Variants in DAPK2 observed in about 807,000 individuals in gnomAD.
DAPK2 encodes the protein death-associated protein kinase 2.
In DAPK2, 35 loss-of-function variants were observed where a neutral mutation model predicts 44.1. That is an observed-to-expected ratio of 0.79 (90% CI 0.61 to 1.05). DAPK2 has a LOEUF of 1.05. Among genes scored for constraint, DAPK2 ranks in the 50% least tolerant of loss-of-function variants. The pLI is 0.00. For missense variants in DAPK2, 453 were observed against 483.2 expected (o/e 0.94, Z 0.59); for synonymous variants, 174 against 182.6 (o/e 0.95, Z 0.38).
At chr15:63,929,499 T>C in intron 6 of DAPK2, 52 bp downstream of exon 7, 1 of 1,611,902 alleles carries the variant, frequency 6.2e-7, no homozygotes, top group Non-Finnish European at 8.5e-7. Flanking sequence ...TCATTCCTTC[T>C]GGTTCCCCCA....
exon 2 of DAPK2, chr15:63,983,691 C>T (rs376974010): frequency 3.4e-5 from 55 of 1,613,754 alleles, no homozygotes; most frequent in Non-Finnish European, 4.6e-5. Flanking sequence ...TCTTGATGAA[C>T]TTGGCTGCAT....
At chr15:63,946,098 C>G (rs1167876039) in intron 3 of DAPK2, among the ~76,000 whole-genome samples, 4 of 152,398 alleles carry the variant, frequency 2.6e-5, no homozygotes, top group African/African-American at 9.6e-5. Context: ...ACTGCCCAGC[C>G]CAGGGCCTGC....
rs2079639954 is a variant in DAPK2 at position 64,020,015 on chromosome 15, T to C, written c.92+20155A>G. 6.6e-6 allele frequency among the ~76,000 whole-genome samples: 1 copy of C among 152,178 alleles called. No homozygotes were observed. Among genetic ancestry groups the C allele is most frequent in the Non-Finnish European group, 1.5e-5 (1 of 68,030 alleles). Reference sequence around the variant, plus strand: ...ACAGACTTGGTGCCAAACCACTGTGTCTAATCTCAGCAGAAGCAGTCTCAG... The same window carrying C: ...ACAGACTTGGTGCCAAACCACTGTGCCTAATCTCAGCAGAAGCAGTCTCAG... On this transcript the variant is annotated intron_variant, in intron 1 of 10. Coordinates refer to ENST00000261891, the Ensembl canonical transcript of DAPK2. This position sits in a 1 kb window ranked among gnomAD's most constrained non-coding sequence, Gnocchi z 4.5.
chr15:63,960,540 G>T (rs1049431318), intron 3 of DAPK2, among the ~76,000 whole-genome samples: 1 of 152,152 alleles, frequency 6.6e-6, no homozygotes, highest in Non-Finnish European at 1.5e-5. Flanking sequence ...CAGAGATTCT[G>T]GTATGTTGTG....
At chr15:63,981,516 A>G (rs2078513305) in intron 2 of DAPK2, among the ~76,000 whole-genome samples, 1 of 152,222 alleles carries the variant, frequency 6.6e-6, no homozygotes, top group Non-Finnish European at 1.5e-5. Flanking sequence ...TTAATTGGGG[A>G]AAAAAGTAGA....
chr15:64,010,529 C>T (rs2079363054), intron 1 of DAPK2, among the ~76,000 whole-genome samples: 2 of 152,172 alleles, frequency 1.3e-5, no homozygotes, highest in Admixed American at 6.5e-5. Flanking sequence ...CTACATTTGT[C>T]TCTCAGCCTC....
chr15:63,976,054 T>C (rs1205508958), intron 2 of DAPK2, among the ~76,000 whole-genome samples: 2 of 152,190 alleles, frequency 1.3e-5, no homozygotes, highest in African/African-American at 2.4e-5. Context: ...CTTAGCATCA[T>C]GAAAAGTAGA....
At chr15:63,972,382 G>T (rs2078236670) in intron 2 of DAPK2, among the ~76,000 whole-genome samples, 1 of 152,222 alleles carries the variant, frequency 6.6e-6, no homozygotes, top group Non-Finnish European at 1.5e-5. Context: ...TGAATGAATG[G>T]ACTGTAAGGG....
chr15:63,946,944 T>C (rs2077464226), intron 3 of DAPK2, among the ~76,000 whole-genome samples: 2 of 152,104 alleles, frequency 1.3e-5, no homozygotes, highest in Non-Finnish European at 2.9e-5. Flanking sequence ...GTTTTGAGGG[T>C]GCTCAGCTCC....
intron 3 of DAPK2, among the ~76,000 whole-genome samples, chr15:63,941,862 C>T (rs906786765): frequency 2.0e-5 from 3 of 152,170 alleles, no homozygotes; most frequent in Non-Finnish European, 4.4e-5. Context: ...CTGACCAGCC[C>T]ACTGGGGGCT....
chr15:63,927,206 T>A (rs2140345252), intron 6 of DAPK2, among the ~76,000 whole-genome samples: 1 of 152,352 alleles, frequency 6.6e-6, no homozygotes, highest in East Asian at 1.9e-4. Context: ...CCATTATTAT[T>A]GTCATTGTGA....
chr15:63,977,736 C>T (rs1440593294), intron 2 of DAPK2, among the ~76,000 whole-genome samples: 7 of 152,192 alleles, frequency 4.6e-5, no homozygotes, highest in South Asian at 2.1e-4. Flanking sequence ...GATATCCACC[C>T]GGAGGGCATC....
At position 63,908,861 on chromosome 15, in the gene DAPK2, A is replaced by C; in HGVS notation, c.1033-261T>G. ...AGACATCAGGAGAGGCCAAATTATAATAAAGAAAATTACATCTAGTTCCCT... is the reference window on the plus strand; with the variant it reads ...AGACATCAGGAGAGGCCAAATTATACTAAAGAAAATTACATCTAGTTCCCT... On this transcript the variant is annotated intron_variant, in intron 10 of 10. Transcript: ENST00000261891. The surrounding 1 kb of genome is among the most constrained non-coding windows in gnomAD (Gnocchi z 5.7). The C allele has an allele frequency of 3.5e-6, 1 of 285,818 alleles. No individual in the cohort carries two copies. The highest frequency in any genetic ancestry group is 6.5e-6 in the Non-Finnish European group (1 of 153,384). 17.7% of individuals were successfully genotyped at this position (285,818 alleles called of 1,614,324 possible). A position where few individuals can be genotyped will look rare whatever the true frequency, so the allele number is the denominator to read the frequency against.
chr15:63,977,760 G>A (rs1337064687), intron 2 of DAPK2, among the ~76,000 whole-genome samples: 1 of 152,202 alleles, frequency 6.6e-6, no homozygotes, highest in African/African-American at 2.4e-5. Context: ...ATTCTCAGAT[G>A]AGAAAACTGA....
intron 1 of DAPK2, among the ~76,000 whole-genome samples, chr15:64,028,878 T>C (rs574252644): frequency 6.6e-6 from 1 of 152,138 alleles, no homozygotes; most frequent in Non-Finnish European, 1.5e-5. Flanking sequence ...TAAACTGGTA[T>C]ACATAGGTCA....
chr15:63,986,150 A>G (rs960260206), intron 1 of DAPK2, among the ~76,000 whole-genome samples: 1 of 152,196 alleles, frequency 6.6e-6, no homozygotes, highest in African/African-American at 2.4e-5. Flanking sequence ...TTTCCAGAAG[A>G]GCAGAGAACA....
chr15:63,964,263 G>A (rs1262097442), intron 3 of DAPK2, among the ~76,000 whole-genome samples: 1 of 152,158 alleles, frequency 6.6e-6, no homozygotes, highest in Non-Finnish European at 1.5e-5. Flanking sequence ...CTTTAAATAT[G>A]TCATGCCACC....
intron 1 of DAPK2, 131 bp from the exon 3 acceptor site, chr15:63,983,885 G>T (rs1002026575): frequency 1.2e-6 from 1 of 856,268 alleles, no homozygotes; most frequent in Non-Finnish European, 1.8e-6. Context: ...CCACCAGTCT[G>T]CATCCCCACC....
intron 1 of DAPK2, among the ~76,000 whole-genome samples, chr15:64,019,528 T>A (rs772784703): frequency 1.3e-5 from 2 of 152,214 alleles, no homozygotes; most frequent in African/African-American, 4.8e-5. Flanking sequence ...GTCTAATACA[T>A]TGTCCTTTTC....
Sources: gnomAD v4.1 joint callset for allele counts (sites outside exome capture counted in the v4.1 genomes callset) on GRCh38, gnomAD v4.1.1 for gene constraint, Gnocchi (gnomAD v3.1) non-coding constraint, MANE v1.5 for transcripts, NCBI Gene and HGNC (gene_info 2026-07-23, HGNC 2026-07-21) for gene names.